Variants in ZNF711 observed in about 807,000 individuals in gnomAD.
The protein encoded by ZNF711 is ZFX family zinc finger ZNF711, also known as zinc finger protein 711.
Under a neutral mutation model 43.5 loss-of-function variants are expected in ZNF711, and 3 were observed. The ratio of observed to expected loss-of-function variants is 0.07; its 90% CI spans 0.03 to 0.18. ZNF711 has a LOEUF of 0.18. Ranked by LOEUF, ZNF711 falls within the 10% of genes least tolerant of loss-of-function variation. The pLI is 1.00. For missense variants in ZNF711, 412 were observed against 604.0 expected (o/e 0.68, Z 3.33); for synonymous variants, 209 against 207.7 (o/e 1.01, Z -0.06).
In ZNF711 at chrX:85,265,313, A is replaced by C. The variant is rs1931007366; in HGVS notation, c.916+58A>C. The C allele has an allele frequency of 1.1e-5, 13 of 1,142,544 alleles. No individual in the cohort carries two copies. In the East Asian group the frequency reaches 3.9e-4, roughly 35 times the overall value. 94.2% of individuals were successfully genotyped at this position (1,142,544 alleles called of 1,213,427 possible). Reference sequence around the variant, plus strand: ...AGTAGCCATCATGCATTATTTTTAAAAAATCTCAGAGATACAAGCACTGTA... The same window carrying C: ...AGTAGCCATCATGCATTATTTTTAACAAATCTCAGAGATACAAGCACTGTA... On this transcript the variant is annotated intron_variant, in intron 7 of 10. Coordinates refer to ENST00000674551, the MANE Select transcript of ZNF711 (RefSeq NM_001330574.2).
chrX:85,255,755 T>C lies in ZNF711; in HGVS notation c.576T>C (p.Asp192=), dbSNP rs763911540. Residue 192 remains aspartate, a synonymous_variant, in exon 5 of 11, where the codon GAT becomes GAC. Transcript: ENST00000674551. ...STVTIKTEDD[D]DDDVKSTSED... is the part of the protein sequence containing the mutation. ...TTACTATAAAAACCGAAGATGATGA[T>C]GATGATGATGTCAAGAGCACTTCTG... The C allele has an allele frequency of 4.1e-6, 5 of 1,210,993 alleles. No homozygotes were observed. The South Asian group carries it at 8.8e-5, about 21-fold the overall frequency.
chrX:85,268,269 T>A, intron 8 of ZNF711, 25 bp from the exon 9 acceptor site: 5 of 111,633 alleles, frequency 4.5e-5, no homozygotes, highest in Non-Finnish European at 7.1e-5. Context: ...GTAATTGGTC[T>A]TTTTTTTTTT....
At chrX:85,264,749 A>G (rs1930954624) in intron 6 of ZNF711, among the ~76,000 whole-genome samples, 1 of 110,722 alleles carries the variant, frequency 9.0e-6, no homozygotes, top group Non-Finnish European at 1.9e-5. Flanking sequence ...GGTTTTAAAT[A>G]GGTCCTGTCA....
At chrX:85,251,112 A>G (rs181197128) in intron 4 of ZNF711, among the ~76,000 whole-genome samples, 127 of 111,605 alleles carry the variant, frequency 1.1e-3, no homozygotes, top group African/African-American at 3.9e-3. Flanking sequence ...AGATATTTGC[A>G]GCCCCATAAA....
At chrX:85,252,246 A>G (rs960155255) in intron 4 of ZNF711, among the ~76,000 whole-genome samples, 3 of 111,615 alleles carry the variant, frequency 2.7e-5, no homozygotes, top group Non-Finnish European at 5.7e-5. Context: ...AAACAAACAT[A>G]TTTGGATTTA....
chrX:85,265,230 T>A lies in ZNF711; in HGVS notation c.891T>A (p.Asp297Glu). ...AGATGGTTTACATGGCAGTTAAAGA[T>A]TCTTCTCAAGAAGAAGATGATATCA... Reference protein sequence around the residue: ...REKMVYMAVKDSSQEEDDISC... With the variant: ...REKMVYMAVKESSQEEDDISC... The change falls in exon 7 of 11, where the codon GAT becomes GAA. Residue 297 changes from aspartate to glutamate, a missense_variant. Asp to Glu is a conservative substitution (Grantham distance 45). This residue lies in a region of ZNF711 where 375 missense variants were observed against 514.2 expected (regional missense o/e 0.73). Transcript: ENST00000674551. 1 of 1,208,751 alleles carries A rather than the reference T, an allele frequency of 8.3e-7. No homozygotes were observed. The highest frequency in any genetic ancestry group is 1.1e-6 in the Non-Finnish European group (1 of 893,661).
At chrX:85,257,536 T>C (rs1930272005) in intron 5 of ZNF711, among the ~76,000 whole-genome samples, 1 of 112,337 alleles carries the variant, frequency 8.9e-6, no homozygotes, top group Non-Finnish European at 1.9e-5. Context: ...TATTCTGTGG[T>C]GTATATGTAC....
At position 85,259,812 on chromosome X, in the gene ZNF711, G is replaced by A. The variant is rs1291891103; in HGVS notation, c.622+4011G>A. On this transcript the variant is annotated intron_variant, in intron 5 of 10. Transcript: ENST00000674551. ...TGGCAGAGTCCTTAGGGTTTTCTAAGTATAGAATCATATCATCAGCAAAGA... is the reference window on the plus strand; with the variant it reads ...TGGCAGAGTCCTTAGGGTTTTCTAAATATAGAATCATATCATCAGCAAAGA... Among the ~76,000 whole-genome samples the A allele has an allele frequency of 3.6e-5, 4 of 111,232 alleles. No individual in the cohort carries two copies. In the Admixed American group the frequency reaches 3.8e-4, roughly 11 times the overall value.
At chrX:85,247,437 A>G in intron 3 of ZNF711, 110 bp from the exon 4 acceptor site, 10 of 472,660 alleles carry the variant, frequency 2.1e-5, no homozygotes, top group Non-Finnish European at 3.2e-5. Flanking sequence ...CTTTTGTAAT[A>G]AGCTTTCCAC....
At chrX:85,250,206 C>A (rs914550362) in intron 4 of ZNF711, among the ~76,000 whole-genome samples, 1 of 111,525 alleles carries the variant, frequency 9.0e-6, no homozygotes, top group East Asian at 2.8e-4. Flanking sequence ...CCTTTGGAGG[C>A]GTGTGACAGT....
At chrX:85,267,222 T>G in intron 7 of ZNF711, 56 bp from the exon 8 acceptor site, 1 of 923,080 alleles carries the variant, frequency 1.1e-6, no homozygotes, top group Non-Finnish European at 1.4e-6. Flanking sequence ...TTTGGAATTT[T>G]TACCCACTTA....
intron 4 of ZNF711, among the ~76,000 whole-genome samples, chrX:85,252,563 T>C (rs1929637705): frequency 8.9e-6 from 1 of 112,194 alleles, no homozygotes; most frequent in Non-Finnish European, 1.9e-5. Context: ...CCAGTACAGT[T>C]AATTTTACAG....
chrX:85,270,219 T>C, intron 10 of ZNF711, 73 bp downstream of exon 10: 1 of 1,079,947 alleles, frequency 9.3e-7, no homozygotes, highest in Non-Finnish European at 1.3e-6. Flanking sequence ...AAGAAAAATA[T>C]CGATGGTTTA....
intron 5 of ZNF711, among the ~76,000 whole-genome samples, chrX:85,262,181 G>A (rs1235725135): frequency 3.6e-5 from 4 of 110,615 alleles, no homozygotes; most frequent in Non-Finnish European, 7.6e-5. Flanking sequence ...GGTAGAAATG[G>A]AATCAGAGAG....
intron 7 of ZNF711, among the ~76,000 whole-genome samples, 155 bp from the exon 8 acceptor site, chrX:85,267,123 C>T (rs1247824926): frequency 1.8e-5 from 2 of 110,783 alleles, no homozygotes; most frequent in African/African-American, 6.5e-5. Flanking sequence ...TGGCACTAGC[C>T]TCCAAAAGTG....
At chrX:85,252,712 A>G (rs757713077) in intron 4 of ZNF711, among the ~76,000 whole-genome samples, 160 of 111,703 alleles carry the variant, frequency 1.4e-3, no homozygotes, top group Non-Finnish European at 2.6e-3. Context: ...TGTTTTATAC[A>G]TACTCCCTTC....
chrX:85,270,231 T>C (rs1332386859), intron 10 of ZNF711, 85 bp downstream of exon 10: 1 of 1,022,901 alleles, frequency 9.8e-7, no homozygotes, highest in East Asian at 3.3e-5. Flanking sequence ...GATGGTTTAC[T>C]TGGCAGTTCT....
chrX:85,251,621 TTTTTC>T (rs1929557945), intron 4 of ZNF711, among the ~76,000 whole-genome samples: 1 of 111,587 alleles, frequency 9.0e-6, no homozygotes, highest in Admixed American at 9.5e-5. Context: ...TTTAAATGAT[TTTTTC>T]TTATTGTTTA....
chrX:85,246,466 C>G (rs1929059621), intron 2 of ZNF711, among the ~76,000 whole-genome samples: 1 of 111,934 alleles, frequency 8.9e-6, no homozygotes, highest in Non-Finnish European at 1.9e-5. Context: ...TCCTGAATAC[C>G]AATTTAGCCA....
Sources: gnomAD v4.1 joint callset for allele counts (sites outside exome capture counted in the v4.1 genomes callset) on GRCh38, gnomAD v4.1.1 for gene constraint, gnomAD v4.1.1 regional missense constraint, MANE v1.5 for transcripts, NCBI Gene and HGNC (gene_info 2026-07-23, HGNC 2026-07-21) for gene names.